The following IL1RAPL2 variants were observed in gnomAD, a reference collection of about 807,000 sequenced individuals.
IL1RAPL2 encodes X-linked interleukin-1 receptor accessory protein-like 2.
IL1RAPL2 carries 3 observed loss-of-function variants against 44.1 expected under a neutral mutation model. The observed-to-expected ratio is 0.07, with a 90% CI of 0.03 to 0.18. IL1RAPL2 has a LOEUF of 0.18. Among genes scored for constraint, IL1RAPL2 ranks in the 10% least tolerant of loss-of-function variants. The probability of loss-of-function intolerance (pLI) is 1.00; values close to 1 mark genes in which losing one functional copy is unlikely to be tolerated. For synonymous variants in IL1RAPL2, 181 were observed against 178.8 expected, an observed-to-expected ratio of 1.01 and a Z score of -0.10; for missense variants, 391 against 496.4, an observed-to-expected ratio of 0.79 and a Z score of 2.02.
At chrX:105,593,992 T>G (rs2037191336) in intron 6 of IL1RAPL2, among the ~76,000 whole-genome samples, 1 of 112,425 alleles carries the variant, frequency 8.9e-6, no homozygotes, top group South Asian at 3.7e-4. Context: ...CGATACCTAC[T>G]CTTTAAAATT....
chrX:104,841,570 G>A (rs936333408), intron 2 of IL1RAPL2, among the ~76,000 whole-genome samples: 2 of 111,822 alleles, frequency 1.8e-5, no homozygotes, highest in Non-Finnish European at 3.8e-5. Context: ...AGGAGCTCTT[G>A]AAAGGCAGGC....
At chrX:105,228,720 C>T (rs886467937) in intron 3 of IL1RAPL2, among the ~76,000 whole-genome samples, 2 of 112,129 alleles carry the variant, frequency 1.8e-5, no homozygotes, top group Non-Finnish European at 3.8e-5. Context: ...CAAGTTGGTA[C>T]GGATAACCAC....
chrX:104,882,565 G>A (rs1412410491), intron 2 of IL1RAPL2, among the ~76,000 whole-genome samples: 1 of 111,406 alleles, frequency 9.0e-6, no homozygotes, highest in African/African-American at 3.3e-5. Flanking sequence ...TCTAGCTAAA[G>A]GTTTGTAAAT....
chrX:104,606,695 A>G (rs972757239), intron 1 of IL1RAPL2, among the ~76,000 whole-genome samples: 10 of 111,225 alleles, frequency 9.0e-5, no homozygotes, highest in Non-Finnish European at 1.9e-4. Flanking sequence ...ACTCCCATTC[A>G]CAATTCCTAC....
intron 2 of IL1RAPL2, among the ~76,000 whole-genome samples, chrX:105,125,409 A>G (rs2032964941): frequency 9.0e-6 from 1 of 110,684 alleles, no homozygotes; most frequent in African/African-American, 3.3e-5. Context: ...ATTTTTCCCA[A>G]AGTCACGTGC....
At chrX:105,764,936 T>A (rs1389554321) in intron 10 of IL1RAPL2, among the ~76,000 whole-genome samples, 2 of 112,535 alleles carry the variant, frequency 1.8e-5, no homozygotes, top group Non-Finnish European at 3.8e-5. Context: ...TTAATTTTTT[T>A]AAATGGAATT....
chrX:104,957,421 A>T (rs2029923762), intron 2 of IL1RAPL2, among the ~76,000 whole-genome samples: 1 of 111,793 alleles, frequency 8.9e-6, no homozygotes, highest in African/African-American at 3.3e-5. Context: ...TCAAGGAAGG[A>T]TAGCACCTGA....
intron 2 of IL1RAPL2, among the ~76,000 whole-genome samples, chrX:105,011,913 T>C (rs1409078184): frequency 9.0e-6 from 1 of 111,083 alleles, no homozygotes; most frequent in African/African-American, 3.3e-5. Flanking sequence ...CATAGATTCC[T>C]ATGGCAAAAC....
At chrX:104,975,199 G>A (rs766658492) in intron 2 of IL1RAPL2, among the ~76,000 whole-genome samples, 27 of 111,052 alleles carry the variant, frequency 2.4e-4, no homozygotes, top group African/African-American at 7.8e-4. Context: ...AATAAAATGC[G>A]TACCCAGAAG....
intron 2 of IL1RAPL2, among the ~76,000 whole-genome samples, chrX:105,056,706 A>G (rs2031998208): frequency 8.9e-6 from 1 of 112,032 alleles, no homozygotes; most frequent in East Asian, 2.8e-4. Context: ...GTAAAGAGAA[A>G]TTAAACTTCT....
chrX:104,883,056 A>C (rs1254921411), intron 2 of IL1RAPL2, among the ~76,000 whole-genome samples: 1 of 111,414 alleles, frequency 9.0e-6, no homozygotes, highest in Non-Finnish European at 1.9e-5. Context: ...ATCTTTAAGA[A>C]CTGTAACACT....
At chrX:104,777,252 T>G (rs1932733000) in intron 2 of IL1RAPL2, among the ~76,000 whole-genome samples, 1 of 110,670 alleles carries the variant, frequency 9.0e-6, no homozygotes, top group African/African-American at 3.3e-5. Flanking sequence ...TTCTACTGTT[T>G]CTATAAATAT....
intron 2 of IL1RAPL2, among the ~76,000 whole-genome samples, chrX:104,707,383 T>C (rs1931380490): frequency 8.9e-6 from 1 of 111,834 alleles, no homozygotes; most frequent in African/African-American, 3.2e-5. Context: ...CAAGTCTATT[T>C]GGCCAGAAAA....
chrX:104,739,798 T>C lies in IL1RAPL2; in HGVS notation c.82+80803T>C, dbSNP rs185449296. On this transcript the variant is annotated intron_variant, in intron 2 of 10. Transcript: ENST00000372582. ...ATATTTAATAATCATTTTATCATGA[T>C]ACTATACCCCTAATTTTTCCATCTT... Among the ~76,000 whole-genome samples the C allele has an allele frequency of 9.2e-4, 103 of 112,222 alleles. 2 individuals carry two copies. The highest frequency in any genetic ancestry group is 6.6e-3 in the Admixed American group (70 of 10,587).
chrX:105,705,836 TTA>T (rs1377057184), intron 6 of IL1RAPL2, among the ~76,000 whole-genome samples: 1 of 111,565 alleles, frequency 9.0e-6, no homozygotes, highest in Non-Finnish European at 1.9e-5. Context: ...TAGATACTTG[TTA>T]TATGTTTGTT....
chrX:105,686,838 G>T (rs1191599672), intron 6 of IL1RAPL2, among the ~76,000 whole-genome samples: 1 of 111,843 alleles, frequency 8.9e-6, no homozygotes, highest in Non-Finnish European at 1.9e-5. Context: ...GCACTCCTCA[G>T]CAAATGTAAA....
At chrX:105,383,120 A>T (rs1411639516) in intron 5 of IL1RAPL2, among the ~76,000 whole-genome samples, 7 of 108,862 alleles carry the variant, frequency 6.4e-5, no homozygotes, top group Non-Finnish European at 1.1e-4. Flanking sequence ...AAAGTATAAT[A>T]AAAAAAAAGA....
intron 4 of IL1RAPL2, among the ~76,000 whole-genome samples, chrX:105,245,633 A>G (rs1390681558): frequency 2.7e-5 from 3 of 112,729 alleles, no homozygotes; most frequent in Non-Finnish European, 5.6e-5. Context: ...ATGAGAGATA[A>G]GGATTCTTTT....
At chrX:105,133,322 CTTCAT>C (rs1382055153) in intron 2 of IL1RAPL2, among the ~76,000 whole-genome samples, 2 of 111,529 alleles carry the variant, frequency 1.8e-5, no homozygotes, top group African/African-American at 6.5e-5. Flanking sequence ...TCTTTTCCCT[CTTCAT>C]TTCTAATTTT....
Sources: gnomAD v4.1 joint callset for allele counts (sites outside exome capture counted in the v4.1 genomes callset) on GRCh38, gnomAD v4.1.1 for gene constraint, MANE v1.5 for transcripts, NCBI Gene and HGNC (gene_info 2026-07-23, HGNC 2026-07-21) for gene names.